The following MACROD2 variants were observed in gnomAD, a reference collection of about 807,000 sequenced individuals.
MACROD2 encodes the protein mono-ADP ribosylhydrolase 2, also known as ADP-ribose glycohydrolase MACROD2.
Under a neutral mutation model 70.4 loss-of-function variants are expected in MACROD2, and 36 were observed. That is an observed-to-expected ratio of 0.51 (90% CI 0.39 to 0.68). The LOEUF (loss-of-function observed/expected upper bound fraction) is 0.68, where lower values mean the gene tolerates loss of function less well. Ranked by LOEUF, MACROD2 falls within the 30% of genes least tolerant of loss-of-function variation. MACROD2 has a pLI of 0.00. For missense variants in MACROD2, 496 were observed against 538.4 expected (o/e 0.92, Z 0.78); for synonymous variants, 172 against 178.8 (o/e 0.96, Z 0.30).
At chr20:15,933,456 T>A (rs2147320113) in intron 11 of MACROD2, 118 bp downstream of exon 11, 2 of 908,244 alleles carry the variant, frequency 2.2e-6, no homozygotes, top group East Asian at 2.8e-5. Context: ...AACTCCAGTG[T>A]TCATTCAGGG....
chr20:15,991,358 C>A (rs373800210), intron 15 of MACROD2, among the ~76,000 whole-genome samples: 26 of 152,194 alleles, frequency 1.7e-4, no homozygotes, highest in African/African-American at 5.8e-4. Flanking sequence ...ACAAAGCACC[C>A]CTGTATAGCC....
At chr20:15,266,921 C>T (rs777533214) in intron 6 of MACROD2, among the ~76,000 whole-genome samples, 1 of 152,208 alleles carries the variant, frequency 6.6e-6, no homozygotes, top group Non-Finnish European at 1.5e-5. Context: ...TTCTAGAGGG[C>T]AGGGGCGCGG....
chr20:15,451,495 C>G (rs556902500), intron 7 of MACROD2, among the ~76,000 whole-genome samples: 1 of 149,052 alleles, frequency 6.7e-6, no homozygotes. Flanking sequence ...AGAATGGGCT[C>G]TCTCCCTCTG....
chr20:14,206,411 G>A (rs2081523320), intron 3 of MACROD2, among the ~76,000 whole-genome samples: 1 of 152,154 alleles, frequency 6.6e-6, no homozygotes, highest in Non-Finnish European at 1.5e-5. Context: ...GACCAGTTGT[G>A]GGACCATTTT....
chr20:14,577,868 T>C (rs1403468866), intron 4 of MACROD2, among the ~76,000 whole-genome samples: 2 of 127,494 alleles, frequency 1.6e-5, no homozygotes, highest in Non-Finnish European at 3.5e-5. Context: ...TGCTTCAAGT[T>C]AGAATTCAGA....
chr20:14,219,216 G>T (rs540811517), intron 3 of MACROD2, among the ~76,000 whole-genome samples: 51 of 152,194 alleles, frequency 3.4e-4, no homozygotes, highest in Admixed American at 3.0e-3. Context: ...CTTCTTGGAG[G>T]CTTTGTTCAT....
At chr20:14,313,837 G>T (rs1321491253) in intron 3 of MACROD2, among the ~76,000 whole-genome samples, 2 of 152,222 alleles carry the variant, frequency 1.3e-5, no homozygotes, top group Middle Eastern at 3.4e-3. Flanking sequence ...AAGAACAAAG[G>T]CATGCTAATT....
At chr20:15,509,130 C>T (rs984413971) in intron 8 of MACROD2, among the ~76,000 whole-genome samples, 3 of 152,170 alleles carry the variant, frequency 2.0e-5, no homozygotes, top group African/African-American at 4.8e-5. Flanking sequence ...GAATATTTTA[C>T]ATCCTTCAGA....
chr20:14,450,181 TA>T (rs759775956), intron 3 of MACROD2, among the ~76,000 whole-genome samples: 19 of 152,124 alleles, frequency 1.2e-4, no homozygotes, highest in Admixed American at 6.5e-4. Context: ...CTATTATTAA[TA>T]CAATGACAAT....
chr20:15,673,825 A>G (rs890998938), intron 8 of MACROD2, among the ~76,000 whole-genome samples: 13 of 151,038 alleles, frequency 8.6e-5, no homozygotes, highest in Non-Finnish European at 1.6e-4. Flanking sequence ...CTTATAGTCT[A>G]TCGCATCCAA....
intron 5 of MACROD2, among the ~76,000 whole-genome samples, chr20:14,835,777 T>C (rs1160228685): frequency 2.0e-5 from 3 of 152,066 alleles, no homozygotes; most frequent in African/African-American, 7.2e-5. Context: ...TCCATTTTGA[T>C]ATTTATTACA....
chr20:14,885,924 G>T (rs1279886383), intron 5 of MACROD2, among the ~76,000 whole-genome samples: 2 of 152,116 alleles, frequency 1.3e-5, no homozygotes, highest in Non-Finnish European at 2.9e-5. Context: ...AATGTGCCAG[G>T]CACTGTTCCA....
intron 8 of MACROD2, among the ~76,000 whole-genome samples, chr20:15,815,823 G>T (rs2063867874): frequency 6.6e-6 from 1 of 152,000 alleles, no homozygotes; most frequent in Non-Finnish European, 1.5e-5. Flanking sequence ...AGTAAAATGG[G>T]ATTCTAGAAG....
At chr20:14,017,719 AT>A (rs2053014309) in intron 2 of MACROD2, among the ~76,000 whole-genome samples, 1 of 151,730 alleles carries the variant, frequency 6.6e-6, no homozygotes, top group Non-Finnish European at 1.5e-5. Flanking sequence ...AGTATTGAGG[AT>A]TTTTTTCATT....
chr20:14,499,153 A>G (rs543668466), intron 4 of MACROD2, among the ~76,000 whole-genome samples: 33 of 152,314 alleles, frequency 2.2e-4, no homozygotes, highest in Non-Finnish European at 4.9e-4. Context: ...GGAGAAACTC[A>G]GGGGCTCTGG....
At chr20:14,773,841 G>C (rs2072201758) in intron 5 of MACROD2, among the ~76,000 whole-genome samples, 1 of 152,066 alleles carries the variant, frequency 6.6e-6, no homozygotes, top group African/African-American at 2.4e-5. Flanking sequence ...CCATATTAAT[G>C]TGCACACAGA....
At chr20:15,906,501 A>G (rs978831852) in intron 10 of MACROD2, among the ~76,000 whole-genome samples, 3 of 152,250 alleles carry the variant, frequency 2.0e-5, no homozygotes, top group African/African-American at 7.2e-5. Context: ...CACAATAAAA[A>G]GATCAAAATT....
chr20:15,134,911 T>A (rs957687825), intron 5 of MACROD2, among the ~76,000 whole-genome samples: 1 of 151,988 alleles, frequency 6.6e-6, no homozygotes, highest in African/African-American at 2.4e-5. Context: ...AAATACAAAC[T>A]ACCATCAGAG....
intron 10 of MACROD2, among the ~76,000 whole-genome samples, chr20:15,909,514 A>ATTTTT (rs10617621): frequency 1.4e-5 from 1 of 70,810 alleles, no homozygotes; most frequent in Admixed American, 2.2e-4. Context: ...ACATAATACA[A>ATTTTT]TTTTTTTTTT....
Sources: gnomAD v4.1 joint callset for allele counts (sites outside exome capture counted in the v4.1 genomes callset) on GRCh38, gnomAD v4.1.1 for gene constraint, MANE v1.5 for transcripts, NCBI Gene and HGNC (gene_info 2026-07-23, HGNC 2026-07-21) for gene names.